The following RAD54L2 variants were observed in gnomAD, a reference collection of about 807,000 sequenced individuals.
The protein encoded by RAD54L2 is helicase ARIP4.
RAD54L2 carries 27 observed loss-of-function variants against 138.4 expected under a neutral mutation model. That is an observed-to-expected ratio of 0.20 (90% CI 0.14 to 0.27). The LOEUF (loss-of-function observed/expected upper bound fraction) is 0.27. RAD54L2 is among the 10% of genes least tolerant of loss of function. RAD54L2 has a pLI of 1.00. For missense variants in RAD54L2, 1,396 were observed against 1,890.2 expected (o/e 0.74, Z 4.85); for synonymous variants, 644 against 723.2 (o/e 0.89, Z 1.76).
intron 3 of RAD54L2, among the ~76,000 whole-genome samples, chr3:51,595,604 G>A (rs913662616): frequency 2.0e-5 from 3 of 152,170 alleles, no homozygotes; most frequent in Non-Finnish European, 2.9e-5. Flanking sequence ...GGTTATTATA[G>A]AACACGGAGG....
intron 2 of RAD54L2, among the ~76,000 whole-genome samples, chr3:51,585,461 G>A (rs1369722536): frequency 6.6e-6 from 1 of 152,160 alleles, no homozygotes; most frequent in Admixed American, 6.6e-5. Context: ...TGTGAACAAA[G>A]GCTTTGTTTG....
At position 51,630,370 on chromosome 3, in the gene RAD54L2, G is replaced by A. The variant is rs747787129; in HGVS notation, c.580G>A (p.Glu194Lys). 1.2e-6 allele frequency: 2 copies of A among 1,613,868 alleles called. No homozygotes were observed. The highest frequency in any genetic ancestry group is 1.7e-6 in the Non-Finnish European group (2 of 1,179,790). Reference protein sequence around the residue: ...CLDSSSGSEDEKSSRDEVIEL... With the variant: ...CLDSSSGSEDKKSSRDEVIEL... ...GGACAGTAGCAGTGGCAGTGAGGAT[G>A]AAAAAAGCAGTCGAGATGGTAAGAT... is the stretch of plus-strand genomic sequence containing the variant. The change falls in exon 6 of 23, where the codon GAA becomes AAA. Residue 194 changes from glutamate (E) to lysine (K), a missense_variant. Glu to Lys is a moderately conservative substitution (Grantham distance 56). Coordinates refer to ENST00000684192, the MANE Select transcript of RAD54L2 (RefSeq NM_015106.4).
intron 22 of RAD54L2, among the ~76,000 whole-genome samples, chr3:51,660,759 T>C (rs1701746301): frequency 1.3e-5 from 2 of 151,102 alleles, no homozygotes; most frequent in Admixed American, 1.3e-4. Context: ...GTAGCTGAGA[T>C]TACAGAAGCA....
At chr3:51,639,282 C>A in intron 12 of RAD54L2, 137 bp from the exon 13 acceptor site, 1 of 1,051,656 alleles carries the variant, frequency 9.5e-7, no homozygotes, top group Admixed American at 2.6e-5. Context: ...CTGTGAAGGG[C>A]TCTGACTTTA....
rs576501736 is a variant in RAD54L2, at chr3:51,574,970, T to A, written c.-54-15397T>A. On this transcript the variant is annotated intron_variant, in intron 2 of 22. Coordinates refer to ENST00000684192, the MANE Select transcript of RAD54L2 (RefSeq NM_015106.4). ...GCCTAGGTTTTCTTCTAGGGTTTTT[T>A]TGGTTTTAGGTCTAACATTTAAGTC... Among the ~76,000 whole-genome samples the A allele has an allele frequency of 1.7e-3, 258 of 152,248 alleles. 1 individual carries two copies. Among genetic ancestry groups the A allele is most frequent in the Non-Finnish European group, 2.0e-3 (137 of 67,990 alleles).
At chr3:51,612,437 G>A (rs1439950011) in intron 3 of RAD54L2, among the ~76,000 whole-genome samples, 1 of 152,100 alleles carries the variant, frequency 6.6e-6, no homozygotes, top group Non-Finnish European at 1.5e-5. Flanking sequence ...ACTCCAGCCT[G>A]GGTGACAGAG....
intron 1 of RAD54L2, among the ~76,000 whole-genome samples, chr3:51,540,785 C>CT (rs1269881221): frequency 6.6e-6 from 1 of 152,118 alleles, no homozygotes; most frequent in African/African-American, 2.4e-5. Flanking sequence ...GGTGTGGTGG[C>CT]TAACGCCTGT....
chr3:51,647,379 CT>C (rs912105445), intron 19 of RAD54L2, among the ~76,000 whole-genome samples: 6 of 151,962 alleles, frequency 3.9e-5, no homozygotes, highest in Non-Finnish European at 8.8e-5. Context: ...ATTAAAAAAA[CT>C]TTTTTGGCTG....
intron 2 of RAD54L2, among the ~76,000 whole-genome samples, chr3:51,573,910 A>G (rs1323078853): frequency 1.3e-5 from 2 of 151,966 alleles, no homozygotes; most frequent in South Asian, 2.1e-4. Context: ...GGTTTGTTAC[A>G]TATGTATACA....
At chr3:51,565,258 C>A (rs1699187699) in intron 2 of RAD54L2, among the ~76,000 whole-genome samples, 1 of 152,166 alleles carries the variant, frequency 6.6e-6, no homozygotes, top group African/African-American at 2.4e-5. Flanking sequence ...GTGGCACATG[C>A]CTGTAGTCTT....
At position 51,666,098 on chromosome 3, in the gene RAD54L2, G is replaced by A. The variant is rs1265857298; in HGVS notation, c.*2678G>A. ...GACTAGAGAAGGCTTTCTTTTATAT[G>A]TGCAGTTTCTATTGTGTAGAGGGGT... On this transcript the variant is annotated 3_prime_UTR_variant, in exon 23 of 23. Coordinates refer to ENST00000684192, the MANE Select transcript of RAD54L2 (RefSeq NM_015106.4). The A allele has an allele frequency of 3.5e-5, 5 of 144,358 alleles. No individual in the cohort carries two copies. Among genetic ancestry groups the A allele is most frequent in the Admixed American group, 1.4e-4 (2 of 13,848 alleles). 8.9% of individuals were successfully genotyped at this position (144,358 alleles called of 1,614,324 possible). A position where few individuals can be genotyped will look rare whatever the true frequency, so the allele number is the denominator to read the frequency against.
At chr3:51,595,627 A>C (rs1040543461) in intron 3 of RAD54L2, among the ~76,000 whole-genome samples, 9 of 152,194 alleles carry the variant, frequency 5.9e-5, no homozygotes, top group Non-Finnish European at 5.9e-5. Context: ...TGGCTGTTGG[A>C]GAACAGCACC....
chr3:51,609,377 G>A (rs1038674024), intron 3 of RAD54L2, among the ~76,000 whole-genome samples: 1 of 152,310 alleles, frequency 6.6e-6, no homozygotes, highest in African/African-American at 2.4e-5. Context: ...CTGGGGTGTG[G>A]GAACTGGTAA....
At chr3:51,560,846 C>T (rs1241553478) in intron 2 of RAD54L2, among the ~76,000 whole-genome samples, 1 of 152,136 alleles carries the variant, frequency 6.6e-6, no homozygotes, top group African/African-American at 2.4e-5. Context: ...ACCACTTGAT[C>T]CTCTTAAGAA....
At chr3:51,640,426 C>G (rs571810136) in intron 14 of RAD54L2, among the ~76,000 whole-genome samples, 1 of 152,188 alleles carries the variant, frequency 6.6e-6, no homozygotes, top group Non-Finnish European at 1.5e-5. Flanking sequence ...TAGTTTTAAG[C>G]TTTGTCTTTA....
intron 3 of RAD54L2, among the ~76,000 whole-genome samples, chr3:51,617,703 C>T (rs1314020675): frequency 2.6e-5 from 4 of 152,102 alleles, no homozygotes; most frequent in African/African-American, 9.7e-5. Context: ...TAGTGAGACC[C>T]TGTCTCTACA....
At chr3:51,661,280 A>T (rs1313096876) in intron 22 of RAD54L2, among the ~76,000 whole-genome samples, 1 of 152,176 alleles carries the variant, frequency 6.6e-6, no homozygotes, top group African/African-American at 2.4e-5. Context: ...TTGTTTTTTT[A>T]AAACAAATGC....
chr3:51,571,832 T>A (rs1304854861), intron 2 of RAD54L2, among the ~76,000 whole-genome samples: 1 of 152,156 alleles, frequency 6.6e-6, no homozygotes, highest in Admixed American at 6.6e-5. Context: ...GGTTTTTTTT[T>A]ACTTCATTTT....
chr3:51,652,358 C>A (rs1478172306), intron 19 of RAD54L2, among the ~76,000 whole-genome samples: 1 of 152,106 alleles, frequency 6.6e-6, no homozygotes, highest in Non-Finnish European at 1.5e-5. Context: ...CCATACTGCC[C>A]AAGGTAATTT....
Sources: allele counts gnomAD v4.1 joint callset (sites outside exome capture counted in the v4.1 genomes callset), GRCh38; gene constraint gnomAD v4.1.1; transcripts MANE v1.5; gene names NCBI Gene and HGNC (gene_info 2026-07-23, HGNC 2026-07-21).